TNNI1: variants seen among roughly 807,000 people sequenced by gnomAD.
TNNI1 encodes the protein troponin I1, slow skeletal type, also known as troponin I, slow skeletal muscle.
A neutral mutation model predicts 26.7 loss-of-function variants in TNNI1; 14 were observed. The ratio of observed to expected loss-of-function variants is 0.52; its 90% confidence interval spans 0.35 to 0.82. The LOEUF (loss-of-function observed/expected upper bound fraction) is 0.82, where lower values mean the gene tolerates loss of function less well. TNNI1 is among the 40% of genes least tolerant of loss of function. The pLI is 0.01. For synonymous variants in TNNI1, 79 were observed against 98.2 expected, an observed-to-expected ratio of 0.80 and a Z score of 1.16; for missense variants, 164 against 257.0, an observed-to-expected ratio of 0.64 and a Z score of 2.47.
At chr1:201,413,214 A>G in intron 5 of TNNI1, 93 bp from the exon 6 acceptor site, 1 of 1,410,908 alleles carries the variant, frequency 7.1e-7, no homozygotes, top group Non-Finnish European at 9.9e-7. Context: ...CCCCTTTGCA[A>G]GACCTGGGAT....
chr1:201,404,350 G>A lies in TNNI1; in HGVS notation c.*4903C>T, dbSNP rs1336776911. The A allele has an allele frequency of 2.0e-5, 3 of 152,160 alleles. No individual in the cohort carries two copies. The highest frequency in any genetic ancestry group is 7.2e-5 in the African/African-American group (3 of 41,430). The allele number at this position is 152,160 out of a possible 1,614,324, so 9.4% of individuals were successfully genotyped here. A position where few individuals can be genotyped will look rare whatever the true frequency, so the allele number is the denominator to read the frequency against. ...CTGTTCCCATTCATGTGTCTCAGCTGAGCAACTGCCATGCTTGTGGCACTC... is the reference window on the plus strand; with the variant it reads ...CTGTTCCCATTCATGTGTCTCAGCTAAGCAACTGCCATGCTTGTGGCACTC... On this transcript the variant is annotated 3_prime_UTR_variant, in exon 9 of 9. Transcript: ENST00000361379.
At position 201,410,307 on chromosome 1, in the gene TNNI1, G is replaced by A. The variant is rs1662609534; in HGVS notation, c.*2+19C>T. The A allele has an allele frequency of 6.2e-7, 1 of 1,605,854 alleles. No individual in the cohort carries two copies. The highest frequency in any genetic ancestry group is 1.3e-5 in the African/African-American group (1 of 74,732). On this transcript the variant is annotated intron_variant, in intron 8 of 8. Coordinates refer to ENST00000361379, the MANE Select transcript of TNNI1 (RefSeq NM_003281.4). The stretch of plus-strand genomic sequence containing the variant: ...TAGACTCTGATGGACCCCAGAGAAG[G>A]GAGCTGGTCTCTAGGTACCTCTATT...
Position 201,408,116 on chromosome 1 carries a change from T to C in TNNI1, c.*1137A>G, listed in dbSNP as rs542588318. On this transcript the variant is annotated 3_prime_UTR_variant, in exon 9 of 9. Transcript: ENST00000361379. ...TTCACAGGAGCCACTCTAGTGAGTA[T>C]GTTGGGGGAAGAGAGGCTGCCCCAG... 1.1e-4 allele frequency: 16 copies of C among 151,566 alleles called. No homozygotes were observed. Among genetic ancestry groups the C allele is most frequent in the Admixed American group, 5.2e-4 (8 of 15,260 alleles). 9.4% of individuals were successfully genotyped at this position (151,566 alleles called of 1,614,324 possible). A position where few individuals can be genotyped will look rare whatever the true frequency, so the allele number is the denominator to read the frequency against.
chr1:201,415,864 G>A (rs949984298), intron 3 of TNNI1, among the ~76,000 whole-genome samples: 5 of 152,060 alleles, frequency 3.3e-5, no homozygotes, highest in Non-Finnish European at 7.3e-5. Flanking sequence ...ACATGTTCTT[G>A]CTTACTAGTC....
intron 1 of TNNI1, among the ~76,000 whole-genome samples, chr1:201,421,448 G>A (rs1209437133): frequency 6.6e-6 from 1 of 152,158 alleles, no homozygotes; most frequent in Non-Finnish European, 1.5e-5. Context: ...CCTCCAAATG[G>A]CCAGGAAAAA....
chr1:201,421,417 G>T (rs1461526554), intron 1 of TNNI1, among the ~76,000 whole-genome samples: 1 of 152,202 alleles, frequency 6.6e-6, no homozygotes, highest in East Asian at 1.9e-4. Flanking sequence ...CCTCACGGAA[G>T]ATTCTGCTCC....
At chr1:201,413,148 G>A (rs1487259910) in intron 5 of TNNI1, 27 bp from the exon 6 acceptor site, 2 of 1,612,638 alleles carry the variant, frequency 1.2e-6, no homozygotes, top group South Asian at 1.1e-5. Flanking sequence ...GATCATGCAG[G>A]TGTGAAGAAG....
chr1:201,420,549 G>T (rs972481644), intron 1 of TNNI1, among the ~76,000 whole-genome samples: 2 of 152,208 alleles, frequency 1.3e-5, no homozygotes, highest in Non-Finnish European at 2.9e-5. Context: ...GTCTGTGTGT[G>T]TAAGTGTGTG....
chr1:201,412,785 G>A (rs576077078), intron 6 of TNNI1, among the ~76,000 whole-genome samples: 19 of 152,388 alleles, frequency 1.2e-4, no homozygotes, highest in South Asian at 6.2e-4. Flanking sequence ...TGGATAAAGA[G>A]AGCAGCTTCT....
At chr1:201,418,130 G>A (rs930610756) in intron 1 of TNNI1, among the ~76,000 whole-genome samples, 17 of 148,444 alleles carry the variant, frequency 1.1e-4, no homozygotes, top group Admixed American at 1.1e-3. Flanking sequence ...GATAAAGCTT[G>A]CCAATCCCAG....
At chr1:201,417,328 C>G (rs537105862) in intron 2 of TNNI1, among the ~76,000 whole-genome samples, 1 of 152,136 alleles carries the variant, frequency 6.6e-6, no homozygotes, top group Non-Finnish European at 1.5e-5. Flanking sequence ...TTCAACAGCC[C>G]TTTGAACTAC....
intron 2 of TNNI1, among the ~76,000 whole-genome samples, chr1:201,417,400 G>A (rs530987808): frequency 6.6e-6 from 1 of 152,198 alleles, no homozygotes; most frequent in Non-Finnish European, 1.5e-5. Flanking sequence ...GGAAGGGGAG[G>A]GAAGCCTTAG....
At chr1:201,419,691 A>C (rs1662821600) in intron 1 of TNNI1, among the ~76,000 whole-genome samples, 1 of 152,156 alleles carries the variant, frequency 6.6e-6, no homozygotes, top group Non-Finnish European at 1.5e-5. Context: ...CCCAATGAAC[A>C]CAGCTTTGGC....
At chr1:201,420,369 G>GGA (rs1281449998) in intron 1 of TNNI1, among the ~76,000 whole-genome samples, 6 of 152,208 alleles carry the variant, frequency 3.9e-5, no homozygotes, top group African/African-American at 1.4e-4. Flanking sequence ...TGGAAGGCTT[G>GGA]GAGAGCCAGG....
chr1:201,414,418 C>A, intron 5 of TNNI1, 100 bp downstream of exon 5: 1 of 1,071,538 alleles, frequency 9.3e-7, no homozygotes, highest in Non-Finnish European at 1.3e-6. Flanking sequence ...ATTATGGAGC[C>A]TTGAGCTGGT....
rs1662551617 is a variant in TNNI1 at position 201,407,910 on chromosome 1, GCAC to G, written c.*1340_*1342del. The G allele has an allele frequency of 6.6e-6, 1 of 152,132 alleles. No homozygotes were observed. 9.4% of individuals were successfully genotyped at this position (152,132 alleles called of 1,614,324 possible). A position where few individuals can be genotyped will look rare whatever the true frequency, so the allele number is the denominator to read the frequency against. On this transcript the variant is annotated 3_prime_UTR_variant, in exon 9 of 9. Transcript: ENST00000361379. Reference sequence around the variant, plus strand: ...ATACAAAAATTAGCGGGGTGTGGTGGCACGCACCTGTAATCCCAGCTACTCAGG... The same window carrying G: ...ATACAAAAATTAGCGGGGTGTGGTGGGCACCTGTAATCCCAGCTACTCAGG...
In TNNI1 at chr1:201,411,149, C is replaced by T. The variant is rs1451114097; in HGVS notation, c.456+208G>A. 1.3e-5 allele frequency among the ~76,000 whole-genome samples: 2 copies of T among 152,214 alleles called. No homozygotes were observed. Among genetic ancestry groups the T allele is most frequent in the Admixed American group, 6.5e-5 (1 of 15,284 alleles). ...AGCTTTCTTTATGTCCTAGTTTCTTCGTCAGACTGGGAACAGCCTGAAGGA... is the reference window on the plus strand; with the variant it reads ...AGCTTTCTTTATGTCCTAGTTTCTTTGTCAGACTGGGAACAGCCTGAAGGA... On this transcript the variant is annotated intron_variant, in intron 7 of 8. Transcript: ENST00000361379. This position sits in a 1 kb window ranked among gnomAD's most constrained non-coding sequence, Gnocchi z 4.6.
rs539478042 is a variant in TNNI1 at position 201,412,657 on chromosome 1, C to G, written c.279+375G>C. On this transcript the variant is annotated intron_variant, in intron 6 of 8. Transcript: ENST00000361379. ...CCTGAGTGTTCTCCTCTGCAAGGTGCAGATAATAGCCCCTACTTCATCCAC... is the reference window on the plus strand; with the variant it reads ...CCTGAGTGTTCTCCTCTGCAAGGTGGAGATAATAGCCCCTACTTCATCCAC... Among the ~76,000 whole-genome samples, 20 of 152,346 alleles carry G rather than the reference C, an allele frequency of 1.3e-4. No homozygotes were observed. In the South Asian group the frequency reaches 3.9e-3, roughly 30 times the overall value.
chr1:201,421,632 G>A (rs1033686520), intron 1 of TNNI1, 41 bp downstream of exon 1: 3 of 152,192 alleles, frequency 2.0e-5, no homozygotes, highest in African/African-American at 7.2e-5. Context: ...TCTCTGCCTG[G>A]GATCAACCTA....
Sources: allele counts gnomAD v4.1 joint callset (sites outside exome capture counted in the v4.1 genomes callset), GRCh38; gene constraint gnomAD v4.1.1; non-coding constraint Gnocchi (gnomAD v3.1); transcripts MANE v1.5; gene names NCBI Gene and HGNC (gene_info 2026-07-23, HGNC 2026-07-21).